IQCM: variants seen among roughly 807,000 people sequenced by gnomAD.
IQCM encodes IQ motif containing M.
IQCM carries 45 observed loss-of-function variants against 57.6 expected under a neutral mutation model. The ratio of observed to expected loss-of-function variants is 0.78; its 90% CI spans 0.62 to 1.00. The LOEUF (loss-of-function observed/expected upper bound fraction) is 1.00, where lower values mean the gene tolerates loss of function less well. Ranked by LOEUF, IQCM falls within the 50% of genes least tolerant of loss-of-function variation. The pLI is 0.00. For missense variants in IQCM, 468 were observed against 511.6 expected (o/e 0.91, Z 0.82); for synonymous variants, 148 against 158.9 (o/e 0.93, Z 0.51).
intron 13 of IQCM, among the ~76,000 whole-genome samples, chr4:149,430,728 T>A (rs1471179862): frequency 6.6e-6 from 1 of 152,054 alleles, no homozygotes; most frequent in Non-Finnish European, 1.5e-5. Context: ...TATATCACAA[T>A]ATGTTTACCT....
chr4:149,678,876 G>C lies in IQCM; in HGVS notation c.565+3242C>G, dbSNP rs145135547. On this transcript the variant is annotated intron_variant, in intron 7 of 13. Coordinates refer to ENST00000636793, the MANE Select transcript of IQCM (RefSeq NM_001363507.2). ...AAAAATGGCTTCTATCAAAAAGACA[G>C]GCAATAAAAGATGCTGATGATATGA... Among the ~76,000 whole-genome samples the C allele has an allele frequency of 3.1e-3, 468 of 151,582 alleles. 5 individuals carry two copies. The highest frequency in any genetic ancestry group is 0.011 in the African/African-American group (449 of 41,424).
intron 8 of IQCM, among the ~76,000 whole-genome samples, chr4:149,602,797 T>C (rs574816867): frequency 6.6e-6 from 1 of 152,240 alleles, no homozygotes; most frequent in South Asian, 2.1e-4. Context: ...TATGATTATC[T>C]ATTTTTTGTT....
rs374795867 is a variant in IQCM, at chr4:149,611,085, A to G, written c.681+10044T>C. On this transcript the variant is annotated intron_variant, in intron 8 of 13. Coordinates refer to ENST00000636793, the MANE Select transcript of IQCM (RefSeq NM_001363507.2). Reference sequence around the variant, plus strand: ...AGACATTTCTCAGAAGAAGACATACAAACGGTCAAGTATATAAAAAATTGT... The same window carrying G: ...AGACATTTCTCAGAAGAAGACATACGAACGGTCAAGTATATAAAAAATTGT... Among the ~76,000 whole-genome samples the G allele has an allele frequency of 3.5e-4, 53 of 152,226 alleles. No homozygotes were observed. The Middle Eastern group carries it at 0.014, about 39-fold the overall frequency.
intron 2 of IQCM, among the ~76,000 whole-genome samples, chr4:149,752,176 C>T (rs1768511069): frequency 6.6e-6 from 1 of 151,686 alleles, no homozygotes; most frequent in South Asian, 2.1e-4. Context: ...GCATTTACAT[C>T]TTTCTAGAAA....
chr4:149,613,923 C>T (rs1013395273), intron 8 of IQCM, among the ~76,000 whole-genome samples: 10 of 152,102 alleles, frequency 6.6e-5, no homozygotes, highest in African/African-American at 1.9e-4. Context: ...GGCTACATAG[C>T]ATTCCATGGT....
intron 13 of IQCM, among the ~76,000 whole-genome samples, chr4:149,411,440 T>C (rs965926481): frequency 6.6e-6 from 1 of 152,160 alleles, no homozygotes; most frequent in African/African-American, 2.4e-5. Context: ...TGTCAAGTCT[T>C]CTTTTGGGTG....
chr4:149,696,509 G>A (rs552916543), intron 5 of IQCM, among the ~76,000 whole-genome samples: 1 of 152,052 alleles, frequency 6.6e-6, no homozygotes. Context: ...TTTAAATACT[G>A]TTCATACACC....
chr4:149,502,631 G>A (rs1033758010), intron 12 of IQCM, among the ~76,000 whole-genome samples: 3 of 152,204 alleles, frequency 2.0e-5, no homozygotes, highest in South Asian at 2.1e-4. Context: ...CCATGCTCAC[G>A]CCACTGCACT....
chr4:149,705,523 C>T (rs894549024), intron 5 of IQCM, among the ~76,000 whole-genome samples: 6 of 151,660 alleles, frequency 4.0e-5, no homozygotes, highest in African/African-American at 1.5e-4. Flanking sequence ...AGTTGGCATA[C>T]CTTTTATATC....
At chr4:149,538,116 A>C (rs1201100153) in intron 12 of IQCM, among the ~76,000 whole-genome samples, 1 of 151,572 alleles carries the variant, frequency 6.6e-6, no homozygotes, top group Non-Finnish European at 1.5e-5. Context: ...ACAGTATAAA[A>C]GATATCTGCA....
chr4:149,626,743 G>A (rs1198208051), intron 7 of IQCM, among the ~76,000 whole-genome samples: 4 of 152,036 alleles, frequency 2.6e-5, no homozygotes, highest in African/African-American at 9.7e-5. Flanking sequence ...TGATAAAGGA[G>A]AAGATGAAAA....
intron 12 of IQCM, among the ~76,000 whole-genome samples, chr4:149,460,482 G>A (rs1738158045): frequency 1.3e-5 from 2 of 152,230 alleles, no homozygotes; most frequent in African/African-American, 2.4e-5. Context: ...GCTGTATAAT[G>A]TCTACTCTAG....
intron 2 of IQCM, among the ~76,000 whole-genome samples, chr4:149,760,753 T>C (rs902942816): frequency 1.3e-5 from 2 of 152,042 alleles, no homozygotes; most frequent in African/African-American, 4.8e-5. Flanking sequence ...AATTACAAAG[T>C]CAGTCAAAAA....
At chr4:149,355,114 T>A (rs538201704) in intron 13 of IQCM, among the ~76,000 whole-genome samples, 2 of 152,306 alleles carry the variant, frequency 1.3e-5, no homozygotes, top group African/African-American at 4.8e-5. Context: ...ATAAGCTTTT[T>A]AAAGAAATTT....
Position 149,490,468 on chromosome 4 carries a change from A to G in IQCM, c.1229-56911T>C, listed in dbSNP as rs550920923. ...TAAGAAAATAATCTTTATTTCTAAG[A>G]TAGAACTTCCTCAATAGAAAATAAA... On this transcript the variant is annotated intron_variant, in intron 12 of 13. Transcript: ENST00000636793. Among the ~76,000 whole-genome samples, 6 of 152,200 alleles carry G rather than the reference A, an allele frequency of 3.9e-5. No homozygotes were observed. The South Asian group carries it at 8.3e-4, about 21-fold the overall frequency.
chr4:149,725,896 TC>T (rs1395040675), intron 5 of IQCM, among the ~76,000 whole-genome samples: 4 of 151,898 alleles, frequency 2.6e-5, no homozygotes, highest in Non-Finnish European at 5.9e-5. Context: ...CTGTACATGT[TC>T]CCCCTATCTT....
intron 13 of IQCM, among the ~76,000 whole-genome samples, chr4:149,389,127 G>T (rs889516289): frequency 2.6e-5 from 4 of 151,714 alleles, no homozygotes; most frequent in Non-Finnish European, 5.9e-5. Context: ...TCACCCTTAT[G>T]GTTATGCATA....
chr4:149,423,918 C>T (rs952561499), intron 13 of IQCM, among the ~76,000 whole-genome samples: 1 of 151,806 alleles, frequency 6.6e-6, no homozygotes, highest in African/African-American at 2.4e-5. Context: ...TGCCATACTA[C>T]ATTACAGCCA....
At position 149,432,566 on chromosome 4, in the gene IQCM, T is replaced by C. The variant is rs188859813; in HGVS notation, c.1390+830A>G. Among the ~76,000 whole-genome samples the C allele has an allele frequency of 4.6e-5, 7 of 152,058 alleles. No individual in the cohort carries two copies. The East Asian group carries it at 1.4e-3, about 30-fold the overall frequency. ...AATTTATAGAAGAAAACCTTATTAC[T>C]ACAATCCAGGCCAACACTTATTGGA... is the stretch of plus-strand genomic sequence containing the variant. On this transcript the variant is annotated intron_variant, in intron 13 of 13. Transcript: ENST00000636793.
Sources: gnomAD v4.1 joint callset for allele counts (sites outside exome capture counted in the v4.1 genomes callset) on GRCh38, gnomAD v4.1.1 for gene constraint, MANE v1.5 for transcripts, NCBI Gene and HGNC (gene_info 2026-07-23, HGNC 2026-07-21) for gene names.